Variants in RPS6KC1 observed in about 807,000 individuals in gnomAD.
RPS6KC1 encodes inactive ribosomal protein S6 kinase delta-1.
A neutral mutation model predicts 103.8 loss-of-function variants in RPS6KC1; 54 were observed. That is an observed-to-expected ratio of 0.52 (90% CI 0.42 to 0.65). RPS6KC1 has a LOEUF of 0.65. Among genes scored for constraint, RPS6KC1 ranks in the 30% least tolerant of loss-of-function variants. The pLI is 0.00. For missense variants in RPS6KC1, 1,151 were observed against 1,253.8 expected (o/e 0.92, Z 1.24); for synonymous variants, 439 against 438.7 (o/e 1.00, Z -0.01).
At chr1:213,330,049 G>A in the RPS6KC1 span, among the ~76,000 whole-genome samples, 23 of 152,338 alleles carry the variant, frequency 1.5e-4, no homozygotes, top group East Asian at 1.9e-4. Context: ...CAGGGGCACC[G>A]GAGAGATGGA....
chr1:213,253,724 A>G (rs889163661), intron 12 of RPS6KC1, among the ~76,000 whole-genome samples: 33 of 152,204 alleles, frequency 2.2e-4, no homozygotes, highest in Non-Finnish European at 3.8e-4. Context: ...TTGGAATCAC[A>G]TAGTCTCTCC....
chr1:213,648,626 C>G, the RPS6KC1 span, among the ~76,000 whole-genome samples: 1 of 152,232 alleles, frequency 6.6e-6, no homozygotes, highest in South Asian at 2.1e-4. Flanking sequence ...GCAGTCACCC[C>G]CTCCTACCTA....
chr1:213,253,195 T>C (rs561643759), intron 12 of RPS6KC1, among the ~76,000 whole-genome samples: 1 of 152,244 alleles, frequency 6.6e-6, no homozygotes, highest in South Asian at 2.1e-4. Flanking sequence ...AGAAGGAGGT[T>C]ATGGACTTGT....
At chr1:213,666,986 G>C in the RPS6KC1 span, among the ~76,000 whole-genome samples, 3 of 152,210 alleles carry the variant, frequency 2.0e-5, no homozygotes, top group Admixed American at 6.5e-5. Flanking sequence ...TGGAGGAGAA[G>C]CCTCTTCTTT....
the RPS6KC1 span, among the ~76,000 whole-genome samples, chr1:213,686,625 C>A: frequency 3.9e-5 from 6 of 152,112 alleles, no homozygotes; most frequent in Admixed American, 6.5e-5. Flanking sequence ...CTGTTTAATT[C>A]TCAACTTATC....
the RPS6KC1 span, among the ~76,000 whole-genome samples, chr1:213,594,869 T>A: frequency 6.6e-6 from 1 of 151,500 alleles, no homozygotes; most frequent in African/African-American, 2.4e-5. Context: ...GAGTGGAGGG[T>A]GGAGAGGATG....
chr1:213,517,666 G>T, the RPS6KC1 span, among the ~76,000 whole-genome samples: 5 of 152,216 alleles, frequency 3.3e-5, no homozygotes, highest in African/African-American at 7.2e-5. Context: ...GTCAATTTTG[G>T]AATAGGTGTG....
In RPS6KC1 at chr1:213,260,289, G is replaced by A. The variant is rs547146438; in HGVS notation, c.2912-1269G>A. 3.3e-5 allele frequency among the ~76,000 whole-genome samples: 5 copies of A among 152,298 alleles called. No homozygotes were observed. In the East Asian group the frequency reaches 9.6e-4, roughly 29 times the overall value. On this transcript the variant is annotated intron_variant, in intron 12 of 14. Coordinates refer to ENST00000366960, the MANE Select transcript of RPS6KC1 (RefSeq NM_012424.6). Reference sequence around the variant, plus strand: ...AATGGAAATTGTGATTTGGCATGAAGCACTTCAGGAAGAGGGTGGGCTTGG... The same window carrying A: ...AATGGAAATTGTGATTTGGCATGAAACACTTCAGGAAGAGGGTGGGCTTGG...
intron 6 of RPS6KC1, among the ~76,000 whole-genome samples, chr1:213,146,031 C>T (rs1370084829): frequency 1.4e-5 from 2 of 145,466 alleles, no homozygotes; most frequent in South Asian, 4.5e-4. Flanking sequence ...TGTAACCCCC[C>T]CACTACCCTT....
intron 6 of RPS6KC1, among the ~76,000 whole-genome samples, chr1:213,150,489 C>A (rs1467003102): frequency 1.3e-5 from 2 of 149,676 alleles, no homozygotes; most frequent in East Asian, 1.9e-4. Context: ...TCCCTGGGTA[C>A]TTGAGATTAG....
the RPS6KC1 span, among the ~76,000 whole-genome samples, chr1:213,508,186 C>G: frequency 6.6e-6 from 1 of 152,166 alleles, no homozygotes; most frequent in Non-Finnish European, 1.5e-5. Flanking sequence ...CACATCCGTA[C>G]ACTGTTTTTA....
chr1:213,602,074 CTTTCTCTTTCTTTCTTTCTTTCTT>C, the RPS6KC1 span, among the ~76,000 whole-genome samples: 21 of 50,046 alleles, frequency 4.2e-4, 2 homozygotes, highest in East Asian at 7.5e-3. Flanking sequence ...TTCTTTCTTT[CTTTCTCTTTCTTTCTTTCTTTCTT>C]TCTTTCTTTC....
rs568299486 is a variant in RPS6KC1, at chr1:213,105,500, GA to G, written c.378+932del. On this transcript the variant is annotated intron_variant, in intron 4 of 14. Transcript: ENST00000366960. ...TTTCTGATTTTAGTGGATCTACACA[GA>G]TTATTTATTTATTTATTTTTTTCTG... Among the ~76,000 whole-genome samples, 539 of 152,142 alleles carry G rather than the reference GA, an allele frequency of 3.5e-3. 3 individuals carry two copies. Among genetic ancestry groups the G allele is most frequent in the African/African-American group, 0.012 (506 of 41,502 alleles).
intron 8 of RPS6KC1, among the ~76,000 whole-genome samples, chr1:213,210,510 G>A (rs932497862): frequency 6.6e-6 from 1 of 152,190 alleles, no homozygotes; most frequent in African/African-American, 2.4e-5. Flanking sequence ...CTCACAGAGT[G>A]TACCTGTAGA....
chr1:213,748,849 ATGTTTACTGACAACATGCTGGGTTT>A, the RPS6KC1 span, among the ~76,000 whole-genome samples: 4 of 152,174 alleles, frequency 2.6e-5, no homozygotes, highest in African/African-American at 9.6e-5. Flanking sequence ...TCTGACTAAC[ATGTTTACTGACAACATGCTGGGTTT>A]TGGATCTCCC....
At chr1:213,564,856 G>T in the RPS6KC1 span, among the ~76,000 whole-genome samples, 1 of 152,182 alleles carries the variant, frequency 6.6e-6, no homozygotes, top group Non-Finnish European at 1.5e-5. Context: ...ATTTTTGTGT[G>T]TGTAAGTTAC....
chr1:213,157,083 A>G (rs1232771744), intron 6 of RPS6KC1, among the ~76,000 whole-genome samples: 1 of 152,110 alleles, frequency 6.6e-6, no homozygotes, highest in Non-Finnish European at 1.5e-5. Context: ...CATCCCATAA[A>G]TTTAGATATA....
At chr1:213,094,535 CTGAT>C (rs2081283527) in intron 3 of RPS6KC1, among the ~76,000 whole-genome samples, 1 of 152,056 alleles carries the variant, frequency 6.6e-6, no homozygotes, top group East Asian at 1.9e-4. Context: ...CTATATCTGT[CTGAT>C]TGTTTTCTCA....
chr1:213,177,152 G>C (rs1381695655), intron 8 of RPS6KC1, among the ~76,000 whole-genome samples: 5 of 152,044 alleles, frequency 3.3e-5, no homozygotes, highest in Non-Finnish European at 7.4e-5. Context: ...AGAGTTATCT[G>C]CCATTGTGTA....
Sources: allele counts gnomAD v4.1 joint callset (sites outside exome capture counted in the v4.1 genomes callset), GRCh38; gene constraint gnomAD v4.1.1; transcripts MANE v1.5; gene names NCBI Gene and HGNC (gene_info 2026-07-23, HGNC 2026-07-21).